The following RRAGD variants were observed in gnomAD, a reference collection of about 807,000 sequenced individuals.
RRAGD encodes the protein ras-related GTP-binding protein D.
Under a neutral mutation model 35.5 loss-of-function variants are expected in RRAGD, and 12 were observed. The observed-to-expected ratio is 0.34, with a 90% confidence interval of 0.22 to 0.55. The LOEUF (loss-of-function observed/expected upper bound fraction) is 0.55, where lower values mean the gene tolerates loss of function less well. Ranked by LOEUF, RRAGD falls within the 20% of genes least tolerant of loss-of-function variation. RRAGD has a pLI of 0.91. For synonymous variants in RRAGD, 155 were observed against 178.9 expected (o/e 0.87, Z 1.07); for missense variants, 324 against 490.1 (o/e 0.66, Z 3.20).
At chr6:89,382,400 A>AATATATATATATATATATATAGATAT (rs1769058970) in intron 2 of RRAGD, among the ~76,000 whole-genome samples, 1 of 130,892 alleles carries the variant, frequency 7.6e-6, no homozygotes, top group African/African-American at 3.2e-5. Flanking sequence ...TATCTCTAGA[A>AATATATATATATATATATATAGATAT]ATATATATAT....
chr6:89,394,229 C>T (rs1028820247), intron 1 of RRAGD, among the ~76,000 whole-genome samples: 2 of 149,718 alleles, frequency 1.3e-5, no homozygotes, highest in African/African-American at 4.9e-5. Context: ...CAAGCCCACA[C>T]CTAAAAAAAA....
At chr6:89,402,789 T>G (rs1052993241) in intron 1 of RRAGD, among the ~76,000 whole-genome samples, 2 of 152,216 alleles carry the variant, frequency 1.3e-5, no homozygotes, top group African/African-American at 4.8e-5. Context: ...TGCCTGATGG[T>G]CCTTTTCCCC....
intron 4 of RRAGD, among the ~76,000 whole-genome samples, chr6:89,378,582 A>T (rs906878559): frequency 3.9e-5 from 6 of 152,196 alleles, no homozygotes; most frequent in African/African-American, 1.4e-4. Context: ...TTCATTCAGC[A>T]CATCACTCAT....
chr6:89,380,218 C>T lies in RRAGD; in HGVS notation c.594G>A (p.Gln198=). The change falls in exon 3 of 7, where the codon CAG becomes CAA. Residue 198 remains glutamine, a synonymous_variant. Coordinates refer to ENST00000369415, the MANE Select transcript of RRAGD (RefSeq NM_021244.5). ...CATCTGCAAGGTCATCGTTTGCCCT[C>T]TGGTGAATATCTCTTTGGGTTTCAA... is the stretch of plus-strand genomic sequence containing the variant. ...HKIETQRDIH[Q]RANDDLADAG... The T allele has an allele frequency of 6.2e-7, 1 of 1,614,248 alleles. No individual in the cohort carries two copies.
chr6:89,403,525 T>A (rs990049277), intron 1 of RRAGD, among the ~76,000 whole-genome samples: 7 of 151,970 alleles, frequency 4.6e-5, no homozygotes, highest in African/African-American at 1.7e-4. Flanking sequence ...AGAACCTTTA[T>A]GTCTGTGGAA....
chr6:89,406,434 G>C (rs1769580791), intron 1 of RRAGD, among the ~76,000 whole-genome samples: 1 of 152,130 alleles, frequency 6.6e-6, no homozygotes. Flanking sequence ...ACGTCGAGAG[G>C]AGCACATCAG....
intron 1 of RRAGD, among the ~76,000 whole-genome samples, chr6:89,403,665 C>G (rs1172899811): frequency 7.4e-6 from 1 of 134,660 alleles, no homozygotes; most frequent in African/African-American, 2.8e-5. Flanking sequence ...GGGTCTCACT[C>G]TGTCTCTCAG....
chr6:89,411,873 C>G lies in RRAGD; in HGVS notation c.121G>C (p.Asp41His). ...CCCTCCTCTGTGCCGCTGTCCGGATCGGCGTCGGAGGAGTCGGGCCCGTCT... is the reference window on the plus strand; with the variant it reads ...CCCTCCTCTGTGCCGCTGTCCGGATGGGCGTCGGAGGAGTCGGGCCCGTCT... Reference protein sequence around the residue: ...YGDGPDSSDADPDSGTEEGVL... With the variant: ...YGDGPDSSDAHPDSGTEEGVL... The change falls in exon 1 of 7, where the codon GAT (aspartate) becomes CAT (histidine). Residue 41 changes from aspartate to histidine, a missense_variant. Physicochemically the swap from Asp to His is moderately conservative, Grantham distance 81. Transcript: ENST00000369415. This position sits in a 1 kb window ranked among gnomAD's most constrained non-coding sequence, Gnocchi z 5.6. 1 of 1,549,674 alleles carries G rather than the reference C, an allele frequency of 6.5e-7. No homozygotes were observed. Among genetic ancestry groups the G allele is most frequent in the Non-Finnish European group, 8.7e-7 (1 of 1,149,980 alleles).
At chr6:89,393,000 C>T (rs1382313037) in intron 1 of RRAGD, among the ~76,000 whole-genome samples, 1 of 152,206 alleles carries the variant, frequency 6.6e-6, no homozygotes, top group African/African-American at 2.4e-5. Flanking sequence ...TGATTACATG[C>T]TACCCAGTCA....
intron 1 of RRAGD, among the ~76,000 whole-genome samples, chr6:89,392,679 C>T (rs1053235522): frequency 2.0e-5 from 3 of 152,084 alleles, no homozygotes; most frequent in South Asian, 2.1e-4. Context: ...TTGTCTAAAA[C>T]ACTTGTTAAT....
intron 1 of RRAGD, among the ~76,000 whole-genome samples, chr6:89,407,302 A>T (rs557944200): frequency 4.6e-5 from 7 of 152,228 alleles, no homozygotes; most frequent in Admixed American, 6.5e-5. Context: ...ATATTTTTTT[A>T]AAAAATAAAA....
intron 6 of RRAGD, among the ~76,000 whole-genome samples, chr6:89,369,771 CTG>C (rs941574178): frequency 6.6e-6 from 1 of 152,184 alleles, no homozygotes; most frequent in Admixed American, 6.5e-5. Flanking sequence ...AGTAATCTTG[CTG>C]TGTTTGGAAT....
chr6:89,378,377 C>T (rs1202961909), intron 4 of RRAGD, among the ~76,000 whole-genome samples: 2 of 151,940 alleles, frequency 1.3e-5, no homozygotes, highest in African/African-American at 4.8e-5. Context: ...TTTCCTAACT[C>T]GTAGAGATAC....
intron 1 of RRAGD, among the ~76,000 whole-genome samples, chr6:89,392,473 C>T (rs1769255783): frequency 1.0e-5 from 1 of 98,772 alleles, no homozygotes; most frequent in Admixed American, 9.7e-5. Context: ...GTGCAAAACC[C>T]TGTCTCGAAA....
chr6:89,392,342 T>C (rs1404259125), intron 1 of RRAGD, among the ~76,000 whole-genome samples: 1 of 151,986 alleles, frequency 6.6e-6, no homozygotes, highest in Non-Finnish European at 1.5e-5. Flanking sequence ...TGGCTGGGCA[T>C]GGTGGCATGC....
intron 1 of RRAGD, among the ~76,000 whole-genome samples, chr6:89,403,611 G>A (rs2127897826): frequency 6.8e-6 from 1 of 146,896 alleles, no homozygotes; most frequent in South Asian, 2.2e-4. Context: ...TAGACTTCCT[G>A]ATTGGTTTTC....
intron 1 of RRAGD, among the ~76,000 whole-genome samples, chr6:89,394,311 A>T (rs147804198): frequency 0.012 from 1,858 of 152,278 alleles, 32 homozygotes; most frequent in African/African-American, 0.042. Context: ...AAAATTTTTT[A>T]AATCAAGGAT....
chr6:89,377,867 T>G (rs750435589), intron 4 of RRAGD, 54 bp from the exon 5 acceptor site: 191 of 1,354,378 alleles, frequency 1.4e-4, no homozygotes, highest in Non-Finnish European at 1.9e-4. Context: ...TCAGACCATG[T>G]CATGACTACA....
intron 1 of RRAGD, among the ~76,000 whole-genome samples, chr6:89,397,599 G>A (rs1378509738): frequency 3.3e-4 from 48 of 145,108 alleles, no homozygotes; most frequent in African/African-American, 1.1e-3. Flanking sequence ...GCGAGACTCC[G>A]TCTCAAAAAA....
Sources: allele counts gnomAD v4.1 joint callset (sites outside exome capture counted in the v4.1 genomes callset), GRCh38; gene constraint gnomAD v4.1.1; non-coding constraint Gnocchi (gnomAD v3.1); transcripts MANE v1.5; gene names NCBI Gene and HGNC (gene_info 2026-07-23, HGNC 2026-07-21).